The following GNAL variants were observed in gnomAD, a reference collection of about 807,000 sequenced individuals.
GNAL encodes the protein G protein subunit alpha L, also known as guanine nucleotide-binding protein G(olf) subunit alpha.
A neutral mutation model predicts 55.1 loss-of-function variants in GNAL; 18 were observed. The observed-to-expected ratio is 0.33, with a 90% confidence interval of 0.23 to 0.48. GNAL has a LOEUF of 0.48. Among genes scored for constraint, GNAL ranks in the 20% least tolerant of loss-of-function variants. The pLI is 0.99. For synonymous variants in GNAL, 253 were observed against 237.0 expected (o/e 1.07, Z -0.62); for missense variants, 412 against 614.1 (o/e 0.67, Z 3.48).
intron 4 of GNAL, among the ~76,000 whole-genome samples, chr18:11,771,270 G>A (rs898882848): frequency 1.3e-5 from 2 of 150,636 alleles, no homozygotes; most frequent in African/African-American, 2.4e-5. Context: ...TTATTTCTTT[G>A]GTTAAAATGT....
At chr18:11,745,987 G>A (rs184221451) in intron 1 of GNAL, 161 of 280,780 alleles carry the variant, frequency 5.7e-4, no homozygotes, top group Admixed American at 3.7e-3. Context: ...ATAAGAAAGT[G>A]TTCTTGGGCA....
chr18:11,748,328 C>T (rs955299644), intron 1 of GNAL, among the ~76,000 whole-genome samples: 10 of 152,198 alleles, frequency 6.6e-5, no homozygotes, highest in Admixed American at 2.0e-4. Context: ...CCCAGATACT[C>T]TTCTTACTCA....
chr18:11,841,174 T>G (rs1221714627), intron 5 of GNAL, among the ~76,000 whole-genome samples: 1 of 152,020 alleles, frequency 6.6e-6, no homozygotes, highest in East Asian at 1.9e-4. Context: ...GCACCCAGCC[T>G]TCATCAGCTT....
In GNAL at chr18:11,767,015, G is replaced by A. The variant is rs138752511; in HGVS notation, c.624+13070G>A. Among the ~76,000 whole-genome samples the A allele has an allele frequency of 1.7e-3, 253 of 152,260 alleles. 1 individual carries two copies. The highest frequency in any genetic ancestry group is 5.6e-3 in the African/African-American group (232 of 41,548). On this transcript the variant is annotated intron_variant, in intron 4 of 11. Coordinates refer to ENST00000334049, the MANE Select transcript of GNAL (RefSeq NM_182978.4). ...TTCCTGTTCAATCTGTACCCAACCT[G>A]TATTCTTCCTTTTGGCTTTAAGACA...
chr18:11,730,394 A>G (rs1463812345), intron 1 of GNAL, among the ~76,000 whole-genome samples: 1 of 151,780 alleles, frequency 6.6e-6, no homozygotes, highest in Non-Finnish European at 1.5e-5. Flanking sequence ...TCCTGATCTC[A>G]GGTAATCTGC....
intron 1 of GNAL, among the ~76,000 whole-genome samples, chr18:11,732,628 T>G (rs1598417335): frequency 6.6e-6 from 1 of 152,258 alleles, no homozygotes; most frequent in East Asian, 1.9e-4. Context: ...GCCCCGATTT[T>G]ATCATTTCAA....
At chr18:11,830,790 G>A (rs976364302) in intron 5 of GNAL, among the ~76,000 whole-genome samples, 13 of 152,100 alleles carry the variant, frequency 8.5e-5, no homozygotes, top group African/African-American at 2.2e-4. Context: ...AATATTACTC[G>A]GCAATGAAAA....
chr18:11,728,017 A>G (rs568234602), intron 1 of GNAL, among the ~76,000 whole-genome samples: 8 of 152,224 alleles, frequency 5.3e-5, no homozygotes, highest in African/African-American at 1.9e-4. Context: ...ACTTGAGGCC[A>G]GGAGTTCGAG....
chr18:11,833,941 G>A (rs1277714612), intron 5 of GNAL, among the ~76,000 whole-genome samples: 8 of 152,322 alleles, frequency 5.3e-5, no homozygotes, highest in Non-Finnish European at 1.2e-4. Flanking sequence ...GCTTCTGCCT[G>A]CTGCTGTGTG....
chr18:11,873,197 A>G (rs1243836386), intron 10 of GNAL, among the ~76,000 whole-genome samples: 1 of 152,272 alleles, frequency 6.6e-6, no homozygotes, highest in Non-Finnish European at 1.5e-5. Flanking sequence ...GCAGAATAAA[A>G]GACACTTTCC....
intron 1 of GNAL, 43 bp downstream of exon 1, chr18:11,689,982 G>T (rs776273399): frequency 3.5e-4 from 401 of 1,152,992 alleles, no homozygotes; most frequent in African/African-American, 2.3e-3. Context: ...CGGGGACAGC[G>T]CGCCGGGCCC....
At chr18:11,791,733 CAAGTTTT>C in intron 4 of GNAL, among the ~76,000 whole-genome samples, 1 of 152,280 alleles carries the variant, frequency 6.6e-6, no homozygotes, top group South Asian at 2.1e-4. Context: ...AGATATCTAT[CAAGTTTT>C]CTGCTTCATT....
chr18:11,696,517 A>AC (rs2031419306), intron 1 of GNAL, among the ~76,000 whole-genome samples: 2 of 151,786 alleles, frequency 1.3e-5, no homozygotes, highest in African/African-American at 4.9e-5. Context: ...AAAAAAAAAA[A>AC]AGCACGCATA....
At chr18:11,770,210 AT>A (rs1297050156) in intron 4 of GNAL, among the ~76,000 whole-genome samples, 2 of 152,310 alleles carry the variant, frequency 1.3e-5, no homozygotes, top group South Asian at 2.1e-4. Flanking sequence ...ATCCTGAAGC[AT>A]TATATTAATT....
chr18:11,764,071 A>G (rs2033328916), intron 4 of GNAL, among the ~76,000 whole-genome samples: 1 of 152,102 alleles, frequency 6.6e-6, no homozygotes, highest in African/African-American at 2.4e-5. Context: ...AATTCCAGGA[A>G]TGTTTTTTGA....
intron 1 of GNAL, among the ~76,000 whole-genome samples, chr18:11,718,257 T>C (rs1007210777): frequency 2.0e-5 from 3 of 152,166 alleles, no homozygotes; most frequent in Admixed American, 1.3e-4. Flanking sequence ...TTTTCTTAAA[T>C]TTTTAGTGCA....
intron 1 of GNAL, among the ~76,000 whole-genome samples, chr18:11,711,581 C>A (rs2031840848): frequency 6.6e-6 from 1 of 152,026 alleles, no homozygotes; most frequent in South Asian, 2.1e-4. Context: ...GTTTCTATTT[C>A]TTTGTTGATA....
chr18:11,761,669 A>G (rs936810622), intron 4 of GNAL, among the ~76,000 whole-genome samples: 4 of 152,120 alleles, frequency 2.6e-5, no homozygotes, highest in African/African-American at 7.2e-5. Flanking sequence ...CTAGGCCTGC[A>G]GTTTCTGCCC....
At chr18:11,875,644 A>G (rs571915476) in intron 10 of GNAL, among the ~76,000 whole-genome samples, 71 of 152,198 alleles carry the variant, frequency 4.7e-4, no homozygotes, top group African/African-American at 1.5e-3. Context: ...TTCTGCCATG[A>G]TTGGAAGCTT....
Sources: gnomAD v4.1 joint callset for allele counts (sites outside exome capture counted in the v4.1 genomes callset) on GRCh38, gnomAD v4.1.1 for gene constraint, MANE v1.5 for transcripts, NCBI Gene and HGNC (gene_info 2026-07-23, HGNC 2026-07-21) for gene names.